Variants in RCBTB2 observed in about 807,000 individuals in gnomAD.
RCBTB2 encodes RCC1 and BTB domain-containing protein 2.
RCBTB2 carries 55 observed loss-of-function variants against 65.4 expected under a neutral mutation model. The ratio of observed to expected loss-of-function variants is 0.84; its 90% CI spans 0.68 to 1.05. The LOEUF (loss-of-function observed/expected upper bound fraction) is 1.05. RCBTB2 is among the 50% of genes least tolerant of loss of function. The pLI is 0.00. For synonymous variants in RCBTB2, 220 were observed against 255.2 expected (o/e 0.86, Z 1.31); for missense variants, 599 against 680.1 (o/e 0.88, Z 1.33).
intron 4 of RCBTB2, among the ~76,000 whole-genome samples, chr13:48,519,256 A>C (rs1171183513): frequency 6.6e-6 from 1 of 152,210 alleles, no homozygotes; most frequent in Non-Finnish European, 1.5e-5. Context: ...CAGACTCCTT[A>C]AGGAACAGGC....
At position 48,490,167 on chromosome 13, in the gene RCBTB2, C is replaced by T; in HGVS notation, c.1600G>A (p.Asp534Asn). 1 of 1,614,110 alleles carries T rather than the reference C, an allele frequency of 6.2e-7. No individual in the cohort carries two copies. The highest frequency in any genetic ancestry group is 8.5e-7 in the Non-Finnish European group (1 of 1,179,954). Residue 534 changes from aspartate (D) to asparagine (N), a missense_variant, in exon 15 of 15, where the codon GAT becomes AAT. Asp to Asn is a conservative substitution (Grantham distance 23). Transcript: ENST00000344532. ...QTSGFAEMDH[D>N]LLKNFISKAS... Reference sequence around the variant, plus strand: ...TTGCTGATAAAGTTCTTCAGGAGATCATGGTCCATTTCTGCAAAACCTGAT... The same window carrying T: ...TTGCTGATAAAGTTCTTCAGGAGATTATGGTCCATTTCTGCAAAACCTGAT...
At chr13:48,512,610 A>T (rs1950864579) in intron 7 of RCBTB2, 119 bp downstream of exon 7, 1 of 859,958 alleles carries the variant, frequency 1.2e-6, no homozygotes, top group Non-Finnish European at 1.8e-6. Flanking sequence ...TACCAAAAAT[A>T]AGGCTGAATT....
At chr13:48,502,992 A>C in intron 10 of RCBTB2, 78 bp from the exon 11 acceptor site, 20 of 1,394,366 alleles carry the variant, frequency 1.4e-5, no homozygotes, top group Non-Finnish European at 1.9e-5. Context: ...GCCAGGTTTA[A>C]CTGATGTGGG....
chr13:48,492,556 C>T (rs1345892168), intron 14 of RCBTB2: 1 of 152,322 alleles, frequency 6.6e-6, no homozygotes, highest in East Asian at 1.9e-4. Flanking sequence ...CTTCCCGCCT[C>T]ACTGCGCTAA....
At chr13:48,490,430 C>T (rs1949648911) in intron 14 of RCBTB2, among the ~76,000 whole-genome samples, 179 bp from the exon 15 acceptor site, 1 of 152,182 alleles carries the variant, frequency 6.6e-6, no homozygotes, top group Admixed American at 6.5e-5. Context: ...TATGAATCAT[C>T]TATGCTTGTA....
At chr13:48,496,115 T>G in intron 14 of RCBTB2, 76 bp downstream of exon 14, 4 of 1,316,394 alleles carry the variant, frequency 3.0e-6, no homozygotes, top group Non-Finnish European at 4.0e-6. Context: ...AGACTTTCTT[T>G]TAGTTTAAGG....
At chr13:48,522,007 T>C in intron 3 of RCBTB2, 45 bp from the exon 4 acceptor site, 2 of 1,534,712 alleles carry the variant, frequency 1.3e-6, no homozygotes, top group Non-Finnish European at 1.8e-6. Flanking sequence ...TTATGTTCGA[T>C]GGAACCAGGC....
At chr13:48,505,437 T>C (rs1950452992) in intron 10 of RCBTB2, among the ~76,000 whole-genome samples, 2 of 152,240 alleles carry the variant, frequency 1.3e-5, no homozygotes, top group Admixed American at 1.3e-4. Flanking sequence ...GCCAGTCCCC[T>C]GGCCTAATCC....
At chr13:48,493,724 T>G (rs1566255819) in intron 14 of RCBTB2, among the ~76,000 whole-genome samples, 1 of 152,040 alleles carries the variant, frequency 6.6e-6, no homozygotes. Context: ...AAATTTCAAC[T>G]TTCATCTCAG....
At chr13:48,499,111 A>ACAC (rs1950107608) in intron 13 of RCBTB2, among the ~76,000 whole-genome samples, 2 of 105,858 alleles carry the variant, frequency 1.9e-5, no homozygotes, top group African/African-American at 8.7e-5. Flanking sequence ...CCCCCACCCC[A>ACAC]ACACACACAC....
chr13:48,527,108 T>C (rs1425056413), intron 1 of RCBTB2, among the ~76,000 whole-genome samples: 1 of 151,432 alleles, frequency 6.6e-6, no homozygotes, highest in Admixed American at 6.6e-5. Context: ...TGTCCCCCCT[T>C]TTCTGCATAG....
At chr13:48,493,341 T>TCTC (rs1555297879) in intron 14 of RCBTB2, among the ~76,000 whole-genome samples, 19 of 55,562 alleles carry the variant, frequency 3.4e-4, no homozygotes, top group South Asian at 6.1e-4. Context: ...TCTCTCTCTC[T>TCTC]TCTCTTCTCT....
At chr13:48,524,431 G>A (rs9331954) in intron 2 of RCBTB2, among the ~76,000 whole-genome samples, 1,753 of 152,274 alleles carry the variant, frequency 0.012, 34 homozygotes, top group African/African-American at 0.035. Flanking sequence ...AAATGAAACA[G>A]GTTAATCATT....
At chr13:48,491,542 T>C (rs1949700692) in intron 14 of RCBTB2, 1 of 152,224 alleles carries the variant, frequency 6.6e-6, no homozygotes, top group South Asian at 2.1e-4. Flanking sequence ...GTGCTGTTGC[T>C]TAAATTTTTA....
chr13:48,500,383 C>T (rs1334996486), intron 12 of RCBTB2, among the ~76,000 whole-genome samples: 2 of 152,196 alleles, frequency 1.3e-5, no homozygotes, highest in East Asian at 1.9e-4. Context: ...TATGGTGAAA[C>T]CCCATCTCTA....
Position 48,502,724 on chromosome 13 carries a change from C to A in RCBTB2, c.1117G>T (p.Glu373Ter), listed in dbSNP as rs1434707713. 9 of 1,608,086 alleles carry A rather than the reference C, an allele frequency of 5.6e-6. No homozygotes were observed. In the Admixed American group the frequency reaches 1.5e-4, roughly 27 times the overall value. The change falls in exon 11 of 15, where the codon GAA (glutamate) becomes TAA (stop). Residue 373 changes from glutamate (E) to a stop codon, truncating the protein, a stop_gained and splice_region_variant. Transcript: ENST00000344532. LOFTEE classifies it high-confidence loss of function. ...CCCAAATGGACAGTGACCAGCTTAC[C>A]CACGGAGAGGAGGCGCCACGTGACG... ...PAVTWRLLSV[E>*]PDDHLTVAES... is the part of the protein sequence containing the mutation.
chr13:48,490,045 G>T lies in RCBTB2; in HGVS notation c.*66C>A. On this transcript the variant is annotated 3_prime_UTR_variant, in exon 15 of 15. Transcript: ENST00000344532. ...CATCATACATACTATTAATTAAAGA[G>T]AAGTGATTCATCTCTGGCTTTTGCA... 6.5e-7 allele frequency: 1 copy of T among 1,532,562 alleles called. No homozygotes were observed. The highest frequency in any genetic ancestry group is 1.1e-5 in the South Asian group (1 of 88,952). The allele number at this position is 1,532,562 out of a possible 1,614,324, so 94.9% of individuals were successfully genotyped here.
chr13:48,519,198 G>A (rs1402246181), intron 4 of RCBTB2, among the ~76,000 whole-genome samples: 2 of 152,146 alleles, frequency 1.3e-5, no homozygotes, highest in Non-Finnish European at 2.9e-5. Flanking sequence ...CTGTGATACT[G>A]CTGGTAGACC....
At chr13:48,512,649 A>G in intron 7 of RCBTB2, 80 bp downstream of exon 7, 3 of 1,163,392 alleles carry the variant, frequency 2.6e-6, no homozygotes, top group Non-Finnish European at 3.7e-6. Context: ...TAATCAAATG[A>G]TTGTATTTCC....
Sources: gnomAD v4.1 joint callset for allele counts (sites outside exome capture counted in the v4.1 genomes callset) on GRCh38, gnomAD v4.1.1 for gene constraint, MANE v1.5 for transcripts, NCBI Gene and HGNC (gene_info 2026-07-23, HGNC 2026-07-21) for gene names.